Variants in BCAR3 observed in about 807,000 individuals in gnomAD.
BCAR3 encodes breast cancer anti-estrogen resistance protein 3.
In BCAR3, 37 loss-of-function variants were observed where a neutral mutation model predicts 80.1. That is an observed-to-expected ratio of 0.46 (90% CI 0.36 to 0.61). The LOEUF is 0.61. Among genes scored for constraint, BCAR3 ranks in the 20% least tolerant of loss-of-function variants. The probability of loss-of-function intolerance (pLI) is 0.00; values close to 1 mark genes in which losing one functional copy is unlikely to be tolerated. For missense variants in BCAR3, 978 were observed against 1,068.2 expected, an observed-to-expected ratio of 0.92 and a Z score of 1.18; for synonymous variants, 389 against 418.9, an observed-to-expected ratio of 0.93 and a Z score of 0.87.
chr1:93,751,131 T>C (rs1651543147), intron 2 of BCAR3, among the ~76,000 whole-genome samples: 1 of 152,186 alleles, frequency 6.6e-6, no homozygotes, highest in Admixed American at 6.5e-5. Flanking sequence ...GAGGAAGTCA[T>C]CATTTTCCCT....
intron 2 of BCAR3, among the ~76,000 whole-genome samples, chr1:93,761,552 G>GT (rs1442144210): frequency 6.6e-6 from 1 of 152,164 alleles, no homozygotes; most frequent in Non-Finnish European, 1.5e-5. Flanking sequence ...GAGAGCAGGC[G>GT]TAAGTGGTGA....
chr1:93,713,223 C>T (rs533598456), intron 2 of BCAR3, among the ~76,000 whole-genome samples: 9 of 152,218 alleles, frequency 5.9e-5, no homozygotes, highest in Non-Finnish European at 1.0e-4. Flanking sequence ...ACTCTAGGGT[C>T]TTATCTTAGT....
At chr1:93,599,534 G>A (rs1674552214) in intron 3 of BCAR3, 1 of 151,768 alleles carries the variant, frequency 6.6e-6, no homozygotes, top group Non-Finnish European at 1.5e-5. Flanking sequence ...GAAAATCTTT[G>A]CCCAGGAAGG....
At chr1:93,571,393 G>C in intron 9 of BCAR3, 1 of 387,782 alleles carries the variant, frequency 2.6e-6, no homozygotes, top group Non-Finnish European at 4.9e-6. Flanking sequence ...CCAGCTACTT[G>C]AGGCTGAGGC....
intron 2 of BCAR3, among the ~76,000 whole-genome samples, chr1:93,783,573 A>G (rs1377188650): frequency 6.6e-6 from 1 of 152,260 alleles, no homozygotes; most frequent in Non-Finnish European, 1.5e-5. Flanking sequence ...AAATAATTGC[A>G]ATGAAATATT....
At chr1:93,567,203 T>G in intron 11 of BCAR3, 76 bp downstream of exon 11, 2 of 1,530,612 alleles carry the variant, frequency 1.3e-6, no homozygotes, top group Non-Finnish European at 1.8e-6. Context: ...CTAAGTGAAG[T>G]CAGCCATGCT....
At chr1:93,621,971 A>C (rs1166072812) in intron 3 of BCAR3, among the ~76,000 whole-genome samples, 1 of 152,228 alleles carries the variant, frequency 6.6e-6, no homozygotes, top group Non-Finnish European at 1.5e-5. Context: ...TCCCGGGTTC[A>C]AGTGATTCTC....
intron 2 of BCAR3, among the ~76,000 whole-genome samples, chr1:93,760,622 A>G (rs935091196): frequency 2.6e-5 from 4 of 151,876 alleles, no homozygotes; most frequent in South Asian, 2.1e-4. Context: ...AAAAAAAAGA[A>G]GAAGGAATGT....
intron 8 of BCAR3, among the ~76,000 whole-genome samples, chr1:93,573,822 G>C (rs1259429667): frequency 2.0e-5 from 3 of 151,528 alleles, no homozygotes; most frequent in Non-Finnish European, 2.9e-5. Flanking sequence ...TAGAAACAGG[G>C]TTTTGCCATG....
chr1:93,845,459 ATT>A lies in BCAR3; in HGVS notation c.-63+106_-63+107del, dbSNP rs1161507337. Reference sequence around the variant, plus strand: ...TTTAATTCATTAAAGGGGCATAACAATTTTATATATATATATATATATATATA... The same window carrying A: ...TTTAATTCATTAAAGGGGCATAACAATTATATATATATATATATATATATA... On this transcript the variant is annotated intron_variant, in intron 2 of 13. Transcript: ENST00000370244. 25 of 101,592 alleles carry A rather than the reference ATT, an allele frequency of 2.5e-4. No homozygotes were observed. The South Asian group carries it at 2.8e-3, about 11-fold the overall frequency. 6.3% of individuals were successfully genotyped at this position (101,592 alleles called of 1,614,324 possible). A position where few individuals can be genotyped will look rare whatever the true frequency, so the allele number is the denominator to read the frequency against.
At chr1:93,602,700 A>AT (rs1296366261) in intron 3 of BCAR3, among the ~76,000 whole-genome samples, 1 of 152,220 alleles carries the variant, frequency 6.6e-6, no homozygotes, top group East Asian at 1.9e-4. Flanking sequence ...CCCAATTGGT[A>AT]TTTTTACAAT....
At chr1:93,741,138 A>G (rs995658695) in intron 2 of BCAR3, among the ~76,000 whole-genome samples, 1 of 152,236 alleles carries the variant, frequency 6.6e-6, no homozygotes, top group Non-Finnish European at 1.5e-5. Flanking sequence ...AGAATGTGGC[A>G]CTTGAAGGAA....
chr1:93,648,539 G>A (rs757339454), intron 2 of BCAR3, among the ~76,000 whole-genome samples: 3 of 152,250 alleles, frequency 2.0e-5, no homozygotes, highest in South Asian at 2.1e-4. Context: ...AGAATTTTTC[G>A]TTAACTGGCT....
chr1:93,612,210 C>T (rs369486642), intron 3 of BCAR3, among the ~76,000 whole-genome samples: 3 of 152,028 alleles, frequency 2.0e-5, no homozygotes, highest in East Asian at 3.8e-4. Flanking sequence ...AAGTTGGGAC[C>T]GAGGGCTACA....
chr1:93,723,190 G>C (rs1650466022), intron 2 of BCAR3: 1 of 152,194 alleles, frequency 6.6e-6, no homozygotes, highest in Non-Finnish European at 1.5e-5. Context: ...TCCTAGCAGG[G>C]GTACACATCT....
At chr1:93,802,627 G>A (rs1290334559) in intron 2 of BCAR3, among the ~76,000 whole-genome samples, 1 of 152,188 alleles carries the variant, frequency 6.6e-6, no homozygotes, top group Non-Finnish European at 1.5e-5. Context: ...ATGGAAGTGG[G>A]AGTAAAGGAA....
rs186270471 is a variant in BCAR3, at chr1:93,579,729, C to T, written c.1686+2572G>A. Among the ~76,000 whole-genome samples, 790 of 152,328 alleles carry T rather than the reference C, an allele frequency of 5.2e-3. 4 individuals carry two copies. The highest frequency in any genetic ancestry group is 6.6e-3 in the Non-Finnish European group (448 of 68,028). On this transcript the variant is annotated intron_variant, in intron 7 of 11. Coordinates refer to ENST00000260502, the MANE Select transcript of BCAR3 (RefSeq NM_003567.4). ...AGGAAGGATTCATTCCCCTGGGAAT[C>T]GGGCTGCTCTGTAAACCCAGGCCTG...
At chr1:93,719,428 C>T (rs1650311315) in intron 2 of BCAR3, among the ~76,000 whole-genome samples, 1 of 135,426 alleles carries the variant, frequency 7.4e-6, no homozygotes, top group Non-Finnish European at 1.5e-5. Flanking sequence ...GCAACCTCTG[C>T]CTCCCGGGTT....
Position 93,582,305 on chromosome 1 carries a change from C to T in BCAR3, c.1682G>A (p.Cys561Tyr). ...ACCAGGACCCCCAGCGCTTACCCTG[C>T]AGTCCATGCTCAGTACGTGCTGGGC... Reference protein sequence around the residue: ...VIAQHVLSMDCRVARILGVSE... With the variant: ...VIAQHVLSMDYRVARILGVSE... Residue 561 changes from cysteine (C) to tyrosine (Y), a missense_variant, in exon 7 of 12, where the codon TGC (cysteine) becomes TAC (tyrosine). Cys to Tyr is a radical substitution (Grantham distance 194). Coordinates refer to ENST00000260502, the MANE Select transcript of BCAR3 (RefSeq NM_003567.4). The T allele has an allele frequency of 6.2e-7, 1 of 1,612,124 alleles. No homozygotes were observed. The highest frequency in any genetic ancestry group is 8.5e-7 in the Non-Finnish European group (1 of 1,178,434).
Sources: allele counts gnomAD v4.1 joint callset (sites outside exome capture counted in the v4.1 genomes callset), GRCh38; gene constraint gnomAD v4.1.1; transcripts MANE v1.5; gene names NCBI Gene and HGNC (gene_info 2026-07-23, HGNC 2026-07-21).